PRIM2: variants seen among roughly 807,000 people sequenced by gnomAD.
The protein encoded by PRIM2 is DNA primase large subunit.
In PRIM2, 39 loss-of-function variants were observed where a neutral mutation model predicts 67.3. The observed-to-expected ratio is 0.58, with a 90% confidence interval of 0.45 to 0.76. The LOEUF is 0.76. PRIM2 is among the 30% of genes least tolerant of loss of function. PRIM2 has a pLI of 0.00. For missense variants in PRIM2, 398 were observed against 598.7 expected, an observed-to-expected ratio of 0.66 and a Z score of 3.50; for synonymous variants, 143 against 198.7, an observed-to-expected ratio of 0.72 and a Z score of 2.36.
chr6:57,288,451 G>A, the PRIM2 span, among the ~76,000 whole-genome samples: 8 of 152,248 alleles, frequency 5.3e-5, no homozygotes, highest in South Asian at 6.2e-4. Context: ...TAGTTCTCCC[G>A]GCACAGCGTT....
chr6:57,456,928 T>C (rs1463211357), intron 7 of PRIM2, among the ~76,000 whole-genome samples: 1 of 152,206 alleles, frequency 6.6e-6, no homozygotes, highest in Non-Finnish European at 1.5e-5. Context: ...TTTATCTACC[T>C]TTGGCCTTTG....
intron 7 of PRIM2, among the ~76,000 whole-genome samples, chr6:57,493,533 G>T (rs1554346154): frequency 1.3e-5 from 2 of 152,168 alleles, no homozygotes; most frequent in Non-Finnish European, 2.9e-5. Flanking sequence ...AACTGAGGGA[G>T]AAATAAATCA....
In PRIM2 at chr6:57,418,383, G is replaced by GGTTTTTTTTTTTTTTTTTTTTTT. The variant is rs1554336216; in HGVS notation, c.693+36215_693+36216insGTTTTTTTTTTTTTTTTTTTTTT. ...TAAGGTAATGTTTCCTATGTGTGTG[G>GGTTTTTTTTTTTTTTTTTTTTTT]TTTTTTTTTTTTTTTTTTTTTTTTT... On this transcript the variant is annotated intron_variant, in intron 7 of 13. Transcript: ENST00000615550. Among the ~76,000 whole-genome samples the GGTTTTTTTTTTTTTTTTTTTTTT allele has an allele frequency of 1.5e-4, 7 of 47,232 alleles. 2 individuals are homozygous for GGTTTTTTTTTTTTTTTTTTTTTT. Among genetic ancestry groups the GGTTTTTTTTTTTTTTTTTTTTTT allele is most frequent in the Non-Finnish European group, 2.6e-4 (6 of 23,318 alleles). 31.0% of individuals were successfully genotyped at this position (47,232 alleles called of 152,430 possible).
At chr6:57,381,395 GT>G (rs1769955972) in intron 6 of PRIM2, among the ~76,000 whole-genome samples, 1 of 152,092 alleles carries the variant, frequency 6.6e-6, no homozygotes, top group Admixed American at 6.6e-5. Flanking sequence ...GATTTTTACA[GT>G]TTACTAATAT....
intron 5 of PRIM2, among the ~76,000 whole-genome samples, chr6:57,335,927 T>C (rs1156594793): frequency 6.6e-6 from 1 of 152,094 alleles, no homozygotes; most frequent in African/African-American, 2.4e-5. Flanking sequence ...CGGGAGGACA[T>C]TCAAACCAAA....
At chr6:57,564,700 A>G (rs1323528313) in intron 10 of PRIM2, among the ~76,000 whole-genome samples, 1 of 152,180 alleles carries the variant, frequency 6.6e-6, no homozygotes, top group East Asian at 1.9e-4. Flanking sequence ...GAGAAGGTAG[A>G]TAGGGAAAAT....
chr6:57,502,010 A>T (rs1774141576), intron 7 of PRIM2, among the ~76,000 whole-genome samples: 1 of 152,170 alleles, frequency 6.6e-6, no homozygotes, highest in African/African-American at 2.4e-5. Flanking sequence ...TTTATTTCTA[A>T]CAATCAATTG....
chr6:57,482,265 A>G (rs1192789406), intron 7 of PRIM2, among the ~76,000 whole-genome samples: 7,239 of 152,118 alleles, frequency 0.048, 319 homozygotes, highest in African/African-American at 0.11. Context: ...GAAAGAAGTT[A>G]TAAATCTGAG....
Position 57,587,587 on chromosome 6 carries a change from T to C in PRIM2, c.1021-13506T>C, listed in dbSNP as rs1307104972. On this transcript the variant is annotated intron_variant, in intron 10 of 13. Transcript: ENST00000615550. ...GCTGAGGTAGGAGAAAGGCGTGAAC[T>C]CGGGAGGCAGAGCTTTCAGTGAGCT... Among the ~76,000 whole-genome samples, 207 of 136,278 alleles carry C rather than the reference T, an allele frequency of 1.5e-3. 4 individuals are homozygous for C. In the East Asian group the frequency reaches 0.022, roughly 15 times the overall value. The allele number at this position is 136,278 out of a possible 152,430, so 89.4% of individuals were successfully genotyped here. A position where few individuals can be genotyped will look rare whatever the true frequency, so the allele number is the denominator to read the frequency against.
the PRIM2 span, among the ~76,000 whole-genome samples, chr6:57,270,701 G>A: frequency 6.6e-6 from 1 of 152,080 alleles, no homozygotes; most frequent in Non-Finnish European, 1.5e-5. Context: ...TCCCTGTCTT[G>A]TGCCTGTTTT....
chr6:57,397,276 A>T (rs1014338470), intron 7 of PRIM2, among the ~76,000 whole-genome samples: 9 of 152,068 alleles, frequency 5.9e-5, no homozygotes, highest in African/African-American at 1.9e-4. Context: ...AAGCTTTTAG[A>T]ATTGTCTTCT....
chr6:57,355,451 T>C (rs1305133534), intron 5 of PRIM2, among the ~76,000 whole-genome samples: 1 of 152,214 alleles, frequency 6.6e-6, no homozygotes, highest in Non-Finnish European at 1.5e-5. Flanking sequence ...TATGGGTCAG[T>C]GTTACTGCTG....
chr6:57,359,321 C>T (rs9475869), intron 5 of PRIM2, among the ~76,000 whole-genome samples: 3,785 of 152,222 alleles, frequency 0.025, 144 homozygotes, highest in African/African-American at 0.086. Flanking sequence ...CTAGTAATTG[C>T]CATGCTGGAG....
At chr6:57,239,152 G>A in the PRIM2 span, among the ~76,000 whole-genome samples, 6 of 151,764 alleles carry the variant, frequency 4.0e-5, no homozygotes, top group East Asian at 9.7e-4. Flanking sequence ...CACCATACCC[G>A]GCTAATTTTT....
intron 7 of PRIM2, among the ~76,000 whole-genome samples, chr6:57,402,272 T>C (rs1474536596): frequency 6.6e-6 from 1 of 152,182 alleles, no homozygotes; most frequent in Non-Finnish European, 1.5e-5. Context: ...CAGCAAGGTA[T>C]GGACCTGTTG....
At chr6:57,276,660 A>T in the PRIM2 span, among the ~76,000 whole-genome samples, 19 of 152,158 alleles carry the variant, frequency 1.2e-4, no homozygotes, top group Admixed American at 9.8e-4. Flanking sequence ...TTGGGAGGCC[A>T]AAACAGGCAG....
chr6:57,268,383 G>T, the PRIM2 span, among the ~76,000 whole-genome samples: 27 of 152,134 alleles, frequency 1.8e-4, no homozygotes, highest in Admixed American at 1.4e-3. Context: ...AAGATGTAAA[G>T]ACTTCATATA....
At chr6:57,255,534 T>C in the PRIM2 span, among the ~76,000 whole-genome samples, 2 of 151,966 alleles carry the variant, frequency 1.3e-5, no homozygotes, top group Non-Finnish European at 2.9e-5. Flanking sequence ...TCAATTTACT[T>C]GCATCCCTAT....
Position 57,646,436 on chromosome 6 carries a change from C to G in PRIM2, c.*278C>G, listed in dbSNP as rs1777336314. ...ATGTTGCCCAGGCAGATCTCAGACT[C>G]CTGGGCTCAAGCGATCCTCACACCT... On this transcript the variant is annotated 3_prime_UTR_variant, in exon 14 of 14. Coordinates refer to ENST00000615550, the MANE Select transcript of PRIM2 (RefSeq NM_000947.5). 3.0e-6 allele frequency: 1 copy of G among 335,462 alleles called. No homozygotes were observed. Among genetic ancestry groups the G allele is most frequent in the East Asian group, 6.2e-5 (1 of 16,180 alleles). The allele number at this position is 335,462 out of a possible 1,614,324, so 20.8% of individuals were successfully genotyped here.
Sources: allele counts gnomAD v4.1 joint callset (sites outside exome capture counted in the v4.1 genomes callset), GRCh38; gene constraint gnomAD v4.1.1; transcripts MANE v1.5; gene names NCBI Gene and HGNC (gene_info 2026-07-23, HGNC 2026-07-21).